The following CCDC3 variants were observed in gnomAD, a reference collection of about 807,000 sequenced individuals.
The protein encoded by CCDC3 is coiled-coil domain containing 3.
CCDC3 carries 24 observed loss-of-function variants against 21.4 expected under a neutral mutation model. The ratio of observed to expected loss-of-function variants is 1.12; its 90% confidence interval spans 0.81 to 1.58. CCDC3 has a LOEUF of 1.58. Among genes scored for constraint, CCDC3 ranks in the 40% most tolerant of loss-of-function variants. CCDC3 has a pLI of 0.00. For synonymous variants in CCDC3, 186 were observed against 166.0 expected, an observed-to-expected ratio of 1.12 and a Z score of -0.93; for missense variants, 425 against 360.9, an observed-to-expected ratio of 1.18 and a Z score of -1.44.
chr10:12,943,059 G>C (rs1209219185), intron 2 of CCDC3, among the ~76,000 whole-genome samples: 1 of 152,068 alleles, frequency 6.6e-6, no homozygotes. Flanking sequence ...TCTATCTTCA[G>C]ATGGTATTAC....
chr10:12,963,171 A>G (rs1479344931), intron 2 of CCDC3, among the ~76,000 whole-genome samples: 2 of 152,208 alleles, frequency 1.3e-5, no homozygotes, highest in Non-Finnish European at 1.5e-5. Context: ...TTAAGCGATC[A>G]TATTTTTTCT....
At chr10:12,916,167 T>C (rs1464514537) in intron 2 of CCDC3, among the ~76,000 whole-genome samples, 10 of 152,120 alleles carry the variant, frequency 6.6e-5, no homozygotes, top group Admixed American at 6.5e-5. Context: ...GGCGCAGTGG[T>C]TCACGCCTGA....
At chr10:12,929,761 C>A (rs745701556) in intron 2 of CCDC3, among the ~76,000 whole-genome samples, 42 of 152,122 alleles carry the variant, frequency 2.8e-4, no homozygotes, top group Non-Finnish European at 5.9e-4. Flanking sequence ...GTCATTACCT[C>A]TTGAGACTGT....
chr10:12,994,991 G>A (rs1226414596), intron 2 of CCDC3, among the ~76,000 whole-genome samples: 1 of 151,476 alleles, frequency 6.6e-6, no homozygotes, highest in Non-Finnish European at 1.5e-5. Flanking sequence ...TGAGGCAGGA[G>A]AATCACTTGA....
chr10:13,073,018 C>T (rs1335598309), intron 4 of CCDC3, among the ~76,000 whole-genome samples: 1 of 151,772 alleles, frequency 6.6e-6, no homozygotes, highest in African/African-American at 2.4e-5. Flanking sequence ...AGGCATGTGC[C>T]ACCACGCCTG....
rs578229154 is a variant in CCDC3, at chr10:13,025,195, G to A, written c.-2+24479C>T. Among the ~76,000 whole-genome samples the A allele has an allele frequency of 2.6e-5, 4 of 152,302 alleles. No individual in the cohort carries two copies. The East Asian group carries it at 5.8e-4, about 22-fold the overall frequency. ...GCCTCATTTATATGGCTGTAAATTG[G>A]TACTGGATGCTGGTTGGAGGTTCAA... On this transcript the variant is annotated intron_variant, in intron 5 of 6. Coordinates refer to the CCDC3 transcript ENST00000378839.
intron 5 of CCDC3, among the ~76,000 whole-genome samples, chr10:13,020,555 T>C (rs1377592822): frequency 1.3e-5 from 2 of 152,230 alleles, no homozygotes; most frequent in Non-Finnish European, 2.9e-5. Context: ...ACATCTATTC[T>C]TCAAAAGTTT....
chr10:12,989,434 C>T (rs140198361), intron 2 of CCDC3, among the ~76,000 whole-genome samples: 1 of 152,272 alleles, frequency 6.6e-6, no homozygotes, highest in East Asian at 1.9e-4. Flanking sequence ...ATTTTACTTA[C>T]TTATTTAGAC....
intron 3 of CCDC3, chr10:13,074,146 TATA>T (rs1337687070): frequency 3.3e-4 from 6 of 18,324 alleles, no homozygotes; most frequent in South Asian, 4.9e-3. Flanking sequence ...TATATATATA[TATA>T]TATATTTTTT....
intron 5 of CCDC3, among the ~76,000 whole-genome samples, chr10:13,032,613 T>C (rs12263459): frequency 0.26 from 40,021 of 152,048 alleles, 6,221 homozygotes; most frequent in Non-Finnish European, 0.35. Context: ...GCCCAAAATC[T>C]CCTTAAGCGG....
In CCDC3 at chr10:13,001,669, C is replaced by T. The variant is rs2131288692; in HGVS notation, c.-99G>A. On this transcript the variant is annotated 5_prime_UTR_variant, in exon 1 of 3. Coordinates refer to ENST00000378825, the MANE Select transcript of CCDC3 (RefSeq NM_031455.4). Reference sequence around the variant, plus strand: ...TGGGCGCTCGGCTGCTCGGGCCGCTCCCGGGAGCTGAGCGCACCGCTGTCT... The same window carrying T: ...TGGGCGCTCGGCTGCTCGGGCCGCTTCCGGGAGCTGAGCGCACCGCTGTCT... The T allele has an allele frequency of 2.4e-6, 2 of 819,780 alleles. No homozygotes were observed. The highest frequency in any genetic ancestry group is 1.0e-4 in the East Asian group (1 of 9,608). 50.8% of individuals were successfully genotyped at this position (819,780 alleles called of 1,614,324 possible).
rs181935164 is a variant in CCDC3 at position 12,933,123 on chromosome 10, T to C, written c.550-34444A>G. Among the ~76,000 whole-genome samples the C allele has an allele frequency of 5.9e-5, 9 of 152,338 alleles. No homozygotes were observed. The East Asian group carries it at 1.2e-3, about 20-fold the overall frequency. On this transcript the variant is annotated intron_variant, in intron 2 of 2. Coordinates refer to ENST00000378825, the MANE Select transcript of CCDC3 (RefSeq NM_031455.4). Reference sequence around the variant, plus strand: ...GAGATATGGGTCTATTGTTTTCTTGTAATGTCTTTGTCTGGTTTAGGTAGT... The same window carrying C: ...GAGATATGGGTCTATTGTTTTCTTGCAATGTCTTTGTCTGGTTTAGGTAGT...
At chr10:12,957,208 T>C (rs1190213833) in intron 2 of CCDC3, among the ~76,000 whole-genome samples, 1 of 152,160 alleles carries the variant, frequency 6.6e-6, no homozygotes, top group Non-Finnish European at 1.5e-5. Context: ...TGTGTAACTT[T>C]GTCAATTTCC....
At chr10:13,039,519 A>G (rs1321276483) in intron 5 of CCDC3, among the ~76,000 whole-genome samples, 1 of 152,250 alleles carries the variant, frequency 6.6e-6, no homozygotes, top group Non-Finnish European at 1.5e-5. Flanking sequence ...ACAAATAAGC[A>G]ATAAAGAACT....
intron 4 of CCDC3, among the ~76,000 whole-genome samples, chr10:13,054,154 CAAAAAAAA>C (rs71386143): frequency 8.0e-5 from 8 of 99,912 alleles, no homozygotes; most frequent in Non-Finnish European, 1.7e-4. Flanking sequence ...GACTCTGTAT[CAAAAAAAA>C]AAAAAAAAAA....
intron 2 of CCDC3, among the ~76,000 whole-genome samples, chr10:12,971,162 G>A (rs961506910): frequency 3.4e-4 from 51 of 152,114 alleles, no homozygotes; most frequent in African/African-American, 1.2e-3. Flanking sequence ...CTGTCCCCAG[G>A]GACTCATGAG....
At chr10:12,909,879 CTCT>C (rs1834238682) in intron 2 of CCDC3, among the ~76,000 whole-genome samples, 1 of 152,230 alleles carries the variant, frequency 6.6e-6, no homozygotes, top group South Asian at 2.1e-4. Context: ...CAGTCTCCAG[CTCT>C]TCAACTGAAA....
chr10:12,897,201 C>G lies in CCDC3; in HGVS notation c.*1215G>C, dbSNP rs751290040. The G allele has an allele frequency of 6.6e-6, 1 of 152,198 alleles. No homozygotes were observed. Among genetic ancestry groups the G allele is most frequent in the Non-Finnish European group, 1.5e-5 (1 of 68,062 alleles). The allele number at this position is 152,198 out of a possible 1,614,324, so 9.4% of individuals were successfully genotyped here. A position where few individuals can be genotyped will look rare whatever the true frequency, so the allele number is the denominator to read the frequency against. Reference sequence around the variant, plus strand: ...TTGAAAGGCCATGATCAGAAGATAACCCAGAAAAGGCCACCCAGTTGACTT... The same window carrying G: ...TTGAAAGGCCATGATCAGAAGATAAGCCAGAAAAGGCCACCCAGTTGACTT... On this transcript the variant is annotated 3_prime_UTR_variant, in exon 3 of 3. Transcript: ENST00000378825.
intron 3 of CCDC3, among the ~76,000 whole-genome samples, chr10:13,076,064 AACAAG>A: frequency 6.6e-6 from 1 of 152,072 alleles, no homozygotes. Context: ...CCTATCTTAA[AACAAG>A]CAAACAAAAA....
Sources: allele counts gnomAD v4.1 joint callset (sites outside exome capture counted in the v4.1 genomes callset), GRCh38; gene constraint gnomAD v4.1.1; transcripts MANE v1.5; gene names NCBI Gene and HGNC (gene_info 2026-07-23, HGNC 2026-07-21).